Variants in HOXC6 observed in about 807,000 individuals in gnomAD.
The protein encoded by HOXC6 is homeobox protein Hox-C6.
HOXC6 carries 10 observed loss-of-function variants against 24.0 expected under a neutral mutation model. The observed-to-expected ratio is 0.42, with a 90% confidence interval of 0.26 to 0.71. The LOEUF (loss-of-function observed/expected upper bound fraction) is 0.71, where lower values mean the gene tolerates loss of function less well. Among genes scored for constraint, HOXC6 ranks in the 30% least tolerant of loss-of-function variants. HOXC6 has a pLI of 0.28. For missense variants in HOXC6, 258 were observed against 303.4 expected, an observed-to-expected ratio of 0.85 and a Z score of 1.11; for synonymous variants, 123 against 128.1, an observed-to-expected ratio of 0.96 and a Z score of 0.27.
upstream of HOXC6, chr12:54,028,361 C>T: frequency 1.4e-6 from 1 of 693,430 alleles, no homozygotes; most frequent in Non-Finnish European, 2.4e-6. Flanking sequence ...TTCCCCCTTC[C>T]TGACATCTGG....
chr12:54,024,005 G>A (rs924624698), upstream of HOXC6, among the ~76,000 whole-genome samples: 6 of 152,204 alleles, frequency 3.9e-5, no homozygotes, highest in African/African-American at 1.4e-4. Context: ...GGCATTTGGA[G>A]TAGAATTTAT....
chr12:54,023,923 C>A (rs1234714255), upstream of HOXC6, among the ~76,000 whole-genome samples: 1 of 152,184 alleles, frequency 6.6e-6, no homozygotes, highest in Non-Finnish European at 1.5e-5. Context: ...GACCAGGAGG[C>A]TCTTTGCGAT....
At chr12:54,023,887 A>C (rs1306415649), upstream of HOXC6, among the ~76,000 whole-genome samples, 1 of 152,218 alleles carries the variant, frequency 6.6e-6, no homozygotes, top group East Asian at 1.9e-4. Flanking sequence ...CCCAAACAGC[A>C]TTCCCTGCAT....
chr12:54,028,246 CATATATATAT>C, upstream of HOXC6: 8 of 148,814 alleles, frequency 5.4e-5, no homozygotes, highest in Admixed American at 4.2e-4. Context: ...AGTTCCCTTA[CATATATATAT>C]ATATATATAT....
chr12:54,026,967 G>GT (rs1940740061), upstream of HOXC6, among the ~76,000 whole-genome samples: 1 of 95,582 alleles, frequency 1.0e-5, no homozygotes, highest in African/African-American at 3.4e-5. Context: ...AAAATGGTGG[G>GT]GGGGGGGGGA....
chr12:54,030,712 A>G lies in HOXC6; in HGVS notation c.*750A>G, dbSNP rs1192515461. The G allele has an allele frequency of 6.5e-6, 1 of 152,682 alleles. No homozygotes were observed. Among genetic ancestry groups the G allele is most frequent in the African/African-American group, 2.4e-5 (1 of 41,472 alleles). 9.5% of individuals were successfully genotyped at this position (152,682 alleles called of 1,614,324 possible). On this transcript the variant is annotated 3_prime_UTR_variant, in exon 2 of 2. Coordinates refer to ENST00000243108, the MANE Select transcript of HOXC6 (RefSeq NM_004503.4). ...AGTGAATGACGTTTGTTTAGCCAGT[A>G]GGAGAAAATAAATAAATAAATAAAT... is the stretch of plus-strand genomic sequence containing the variant.
intron 1 of HOXC6, chr12:54,022,363 C>T (rs1289446388): frequency 6.6e-6 from 1 of 152,174 alleles, no homozygotes; most frequent in Non-Finnish European, 1.5e-5. Flanking sequence ...TGCCCCTTTG[C>T]TAAAGATCCT....
Position 54,028,603 on chromosome 12 carries a change from T to A in HOXC6, c.82T>A (p.Ser28Thr). 1 of 1,613,974 alleles carries A rather than the reference T, an allele frequency of 6.2e-7. No homozygotes were observed. Among genetic ancestry groups the A allele is most frequent in the South Asian group, 1.1e-5 (1 of 91,058 alleles). ...QDVLPNVALN[S>T]TAYDPVRHFS... is the part of the protein sequence containing the mutation. ...CGTCCTCCCCAACGTCGCCCTCAAT[T>A]CCACCGCCTATGATCCAGTGAGGCA... The change falls in exon 1 of 2, where the codon TCC becomes ACC. Residue 28 changes from serine to threonine, a missense_variant. Transcript: ENST00000243108.
chr12:54,030,000 C>T lies in HOXC6; in HGVS notation c.*38C>T. ...CTGCCACCCCTCTCTCCCTTTCTCCCTCGCTCCCCACCAACTCTCCCCTAA... is the reference window on the plus strand; with the variant it reads ...CTGCCACCCCTCTCTCCCTTTCTCCTTCGCTCCCCACCAACTCTCCCCTAA... On this transcript the variant is annotated 3_prime_UTR_variant, in exon 2 of 2. Transcript: ENST00000243108. 6.8e-7 allele frequency: 1 copy of T among 1,466,328 alleles called. No individual in the cohort carries two copies. Among genetic ancestry groups the T allele is most frequent in the Non-Finnish European group, 9.1e-7 (1 of 1,100,484 alleles). The allele number at this position is 1,466,328 out of a possible 1,614,324, so 90.8% of individuals were successfully genotyped here.
At chr12:54,023,558 G>T (rs370264705), upstream of HOXC6, among the ~76,000 whole-genome samples, 31 of 152,274 alleles carry the variant, frequency 2.0e-4, 1 homozygote, top group African/African-American at 7.2e-4. Context: ...GCAGGCCTTG[G>T]AGGTGTTTGG....
chr12:54,024,793 C>T (rs1331621721), upstream of HOXC6, among the ~76,000 whole-genome samples: 1 of 152,140 alleles, frequency 6.6e-6, no homozygotes, highest in Non-Finnish European at 1.5e-5. Flanking sequence ...TGCAATGCCA[C>T]CCTTATCCTT....
upstream of HOXC6, among the ~76,000 whole-genome samples, chr12:54,025,812 C>T (rs1940669458): frequency 6.6e-6 from 1 of 152,120 alleles, no homozygotes; most frequent in Non-Finnish European, 1.5e-5. Context: ...AGAGAATCTC[C>T]CCAACTTTGG....
At chr12:54,026,121 T>C (rs1368599458), upstream of HOXC6, among the ~76,000 whole-genome samples, 1 of 152,164 alleles carries the variant, frequency 6.6e-6, no homozygotes, top group African/African-American at 2.4e-5. Flanking sequence ...TCTCTGAAAT[T>C]GGAGGGGGGG....
At chr12:54,018,396 A>G (rs769469991) in intron 1 of HOXC6, among the ~76,000 whole-genome samples, 1 of 152,160 alleles carries the variant, frequency 6.6e-6, no homozygotes, top group African/African-American at 2.4e-5. Context: ...GGACAGGCCC[A>G]GTCCTCCTGG....
upstream of HOXC6, among the ~76,000 whole-genome samples, chr12:54,028,173 C>T (rs775941293): frequency 1.3e-5 from 2 of 152,100 alleles, no homozygotes; most frequent in Non-Finnish European, 2.9e-5. Flanking sequence ...GGTAGTACAG[C>T]TCTCCTTCCC....
intron 1 of HOXC6, 26 bp from the exon 2 acceptor site, chr12:54,029,629 A>C: frequency 6.2e-7 from 1 of 1,602,984 alleles, no homozygotes; most frequent in Non-Finnish European, 8.5e-7. Flanking sequence ...GATTGCTTTT[A>C]GTGTGTTTTG....
rs1394238603 is a variant in HOXC6 at position 54,028,723 on chromosome 12, G to A, written c.202G>A (p.Gly68Arg). The change falls in exon 1 of 2, where the codon GGG becomes AGG. Residue 68 changes from glycine (G) to arginine (R), a missense_variant. Coordinates refer to ENST00000243108, the MANE Select transcript of HOXC6 (RefSeq NM_004503.4). ...QENVVFSSSR[G>R]PYDYGSNSFY... The stretch of plus-strand genomic sequence containing the variant: ...GAATGTCGTGTTCAGTTCCAGCCGG[G>A]GGCCGTATGACTATGGATCTAATTC... The A allele has an allele frequency of 1.2e-6, 2 of 1,614,068 alleles. No homozygotes were observed. Among genetic ancestry groups the A allele is most frequent in the African/African-American group, 1.3e-5 (1 of 74,992 alleles).
chr12:54,027,882 T>C (rs1190715907), upstream of HOXC6, among the ~76,000 whole-genome samples: 4 of 152,174 alleles, frequency 2.6e-5, no homozygotes, highest in African/African-American at 7.2e-5. Flanking sequence ...ACAGGTTTTA[T>C]GAAATTTCTT....
At chr12:54,020,493 C>T (rs532063656) in intron 1 of HOXC6, 1 of 152,248 alleles carries the variant, frequency 6.6e-6, no homozygotes, top group South Asian at 2.1e-4. Flanking sequence ...AGAAGGCGAC[C>T]TTGTTGGGTT....
Sources: allele counts gnomAD v4.1 joint callset (sites outside exome capture counted in the v4.1 genomes callset), GRCh38; gene constraint gnomAD v4.1.1; transcripts MANE v1.5; gene names NCBI Gene and HGNC (gene_info 2026-07-23, HGNC 2026-07-21).